Variants in ZNF609 observed in about 807,000 individuals in gnomAD.
ZNF609 encodes the protein zinc finger protein 609.
In ZNF609, 11 loss-of-function variants were observed where a neutral mutation model predicts 109.5. The ratio of observed to expected loss-of-function variants is 0.10; its 90% CI spans 0.06 to 0.17. ZNF609 has a LOEUF of 0.17. Among genes scored for constraint, ZNF609 ranks in the 10% least tolerant of loss-of-function variants. The probability of loss-of-function intolerance (pLI) is 1.00; values close to 1 mark genes in which losing one functional copy is unlikely to be tolerated. For synonymous variants in ZNF609, 646 were observed against 662.0 expected (o/e 0.98, Z 0.37); for missense variants, 1,559 against 1,772.4 (o/e 0.88, Z 2.16).
intron 2 of ZNF609, among the ~76,000 whole-genome samples, chr15:64,510,222 ACAG>A (rs1157418205): frequency 4.1e-5 from 6 of 145,192 alleles, no homozygotes; most frequent in Non-Finnish European, 7.6e-5. Flanking sequence ...TTTTTTTTTA[ACAG>A]ACAGGGTCTC....
intron 3 of ZNF609, among the ~76,000 whole-genome samples, chr15:64,629,128 A>G (rs1212644159): frequency 6.6e-6 from 1 of 151,846 alleles, no homozygotes; most frequent in Non-Finnish European, 1.5e-5. Flanking sequence ...TATTCTCTCT[A>G]TTTTGTGCCA....
In ZNF609 at chr15:64,674,085, C is replaced by T. The variant is rs1343549379; in HGVS notation, c.1231C>T (p.Arg411Trp). ...GGCAGGAGCCAATAGCAAAGGCCGT[C>T]GGGGCAGCCAGAATTCTTCAGAGCA... The part of the protein sequence containing the change: ...TRAGANSKGR[R>W]GSQNSSEHRP... The change falls in exon 5 of 10, where the codon CGG becomes TGG. Residue 411 changes from arginine (R) to tryptophan (W), a missense_variant. Around this residue, in one of 4 missense-constraint regions of ZNF609, gnomAD observed 1,204 missense variants for 1,314.1 expected, o/e 0.92. Transcript: ENST00000326648. The T allele has an allele frequency of 2.5e-6, 4 of 1,614,162 alleles. No individual in the cohort carries two copies. Among genetic ancestry groups the T allele is most frequent in the Non-Finnish European group, 3.4e-6 (4 of 1,180,032 alleles).
intron 1 of ZNF609, among the ~76,000 whole-genome samples, chr15:64,478,544 T>C (rs1281179732): frequency 6.6e-6 from 1 of 151,986 alleles, no homozygotes; most frequent in East Asian, 1.9e-4. Context: ...CTAATTTTTG[T>C]ATTTTTAGTT....
At chr15:64,584,291 G>C (rs953475848) in intron 2 of ZNF609, among the ~76,000 whole-genome samples, 8 of 151,904 alleles carry the variant, frequency 5.3e-5, no homozygotes, top group Admixed American at 2.6e-4. Context: ...AACCCAGTCT[G>C]TATTTTAATT....
At chr15:64,661,977 C>T (rs1481489590) in intron 3 of ZNF609, among the ~76,000 whole-genome samples, 1 of 152,066 alleles carries the variant, frequency 6.6e-6, no homozygotes, top group Non-Finnish European at 1.5e-5. Context: ...TTCTGTGGCT[C>T]AGGAATTCAG....
intron 2 of ZNF609, among the ~76,000 whole-genome samples, chr15:64,524,337 A>AG (rs1893938287): frequency 6.6e-6 from 1 of 152,244 alleles, no homozygotes; most frequent in Non-Finnish European, 1.5e-5. Context: ...AGGCCAAGGC[A>AG]GGCAGATCAC....
chr15:64,647,445 C>A (rs2140995027), intron 3 of ZNF609, among the ~76,000 whole-genome samples: 1 of 151,970 alleles, frequency 6.6e-6, no homozygotes, highest in South Asian at 2.1e-4. Context: ...TCAAAATTCA[C>A]CAAGAGGAAA....
chr15:64,535,005 A>G (rs560102459), intron 2 of ZNF609, among the ~76,000 whole-genome samples: 4 of 151,808 alleles, frequency 2.6e-5, no homozygotes, highest in African/African-American at 9.7e-5. Flanking sequence ...TGTACTCTGC[A>G]CTTCAGCTTG....
At chr15:64,542,089 G>T (rs115687616) in intron 2 of ZNF609, among the ~76,000 whole-genome samples, 1,975 of 152,082 alleles carry the variant, frequency 0.013, 33 homozygotes, top group African/African-American at 0.046. Context: ...TTTGAGACCA[G>T]TCTGGGCAAC....
chr15:64,542,353 G>A (rs1276116860), intron 2 of ZNF609, among the ~76,000 whole-genome samples: 1 of 152,174 alleles, frequency 6.6e-6, no homozygotes, highest in African/African-American at 2.4e-5. Context: ...TAGTTAATGT[G>A]AGGGAGAAAG....
At chr15:64,491,072 G>T (rs538219888) in intron 1 of ZNF609, among the ~76,000 whole-genome samples, 41 of 152,306 alleles carry the variant, frequency 2.7e-4, no homozygotes, top group African/African-American at 9.6e-4. Flanking sequence ...ATCTCCATTG[G>T]AGATATAAGC....
intron 2 of ZNF609, among the ~76,000 whole-genome samples, chr15:64,588,730 C>T (rs1323585703): frequency 6.6e-6 from 1 of 151,666 alleles, no homozygotes; most frequent in Non-Finnish European, 1.5e-5. Flanking sequence ...ACTCTGCCTC[C>T]AGGGTTCAAG....
chr15:64,609,123 T>TCTTA (rs1895669963), intron 2 of ZNF609, among the ~76,000 whole-genome samples: 1 of 27,074 alleles, frequency 3.7e-5, no homozygotes, highest in Non-Finnish European at 1.7e-4. Context: ...TTTCTTTCTT[T>TCTTA]CTTTCTTTTT....
At chr15:64,534,608 C>A (rs1261264509) in intron 2 of ZNF609, among the ~76,000 whole-genome samples, 1 of 152,162 alleles carries the variant, frequency 6.6e-6, no homozygotes, top group Non-Finnish European at 1.5e-5. Flanking sequence ...AGCCACCGCG[C>A]CTGGCCGTGT....
intron 2 of ZNF609, among the ~76,000 whole-genome samples, chr15:64,540,617 C>T (rs548152092): frequency 1.3e-4 from 19 of 151,214 alleles, no homozygotes; most frequent in Admixed American, 3.3e-4. Context: ...TGTTGGCCAG[C>T]GTGGTCTTGA....
intron 2 of ZNF609, among the ~76,000 whole-genome samples, chr15:64,587,134 G>A (rs978135061): frequency 2.0e-5 from 3 of 152,174 alleles, no homozygotes; most frequent in South Asian, 2.1e-4. Context: ...CAAGGATGGC[G>A]AAAACTAAAA....
intron 3 of ZNF609, among the ~76,000 whole-genome samples, chr15:64,646,634 CAAAAAAAAAAAA>C (rs1180524819): frequency 3.3e-5 from 1 of 30,692 alleles, no homozygotes; most frequent in African/African-American, 1.4e-4. Context: ...GACTCCATCT[CAAAAAAAAAAAA>C]AAAAAAAAAA....
At chr15:64,657,607 C>T (rs1379964407) in intron 3 of ZNF609, among the ~76,000 whole-genome samples, 1 of 151,576 alleles carries the variant, frequency 6.6e-6, no homozygotes, top group South Asian at 2.1e-4. Context: ...AGGGAGACTC[C>T]GTCTCAAAAA....
chr15:64,673,465 C>T (rs1896764547), intron 4 of ZNF609, among the ~76,000 whole-genome samples: 1 of 152,128 alleles, frequency 6.6e-6, no homozygotes, highest in South Asian at 2.1e-4. Context: ...TGGATAGGTG[C>T]TTTGTTCTAC....
Sources: allele counts gnomAD v4.1 joint callset (sites outside exome capture counted in the v4.1 genomes callset), GRCh38; gene constraint gnomAD v4.1.1; regional missense constraint gnomAD v4.1.1; transcripts MANE v1.5; gene names NCBI Gene and HGNC (gene_info 2026-07-23, HGNC 2026-07-21).